RNF217: variants seen among roughly 807,000 people sequenced by gnomAD.
RNF217 encodes the protein ring finger protein 217, also known as E3 ubiquitin-protein ligase RNF217.
RNF217 carries 31 observed loss-of-function variants against 57.8 expected under a neutral mutation model. That is an observed-to-expected ratio of 0.54 (90% CI 0.40 to 0.72). The LOEUF (loss-of-function observed/expected upper bound fraction) is 0.72, where lower values mean the gene tolerates loss of function less well. Among genes scored for constraint, RNF217 ranks in the 30% least tolerant of loss-of-function variants. RNF217 has a pLI of 0.00. For synonymous variants in RNF217, 313 were observed against 294.0 expected (o/e 1.06, Z -0.66); for missense variants, 696 against 708.3 (o/e 0.98, Z 0.20).
intron 1 of RNF217, among the ~76,000 whole-genome samples, chr6:125,038,856 T>C (rs561811306): frequency 1.3e-5 from 2 of 152,146 alleles, no homozygotes; most frequent in Non-Finnish European, 2.9e-5. Flanking sequence ...AGTTCTGTGA[T>C]ACATATGCAG....
At chr6:125,040,694 A>C (rs929950329) in intron 1 of RNF217, among the ~76,000 whole-genome samples, 1 of 152,196 alleles carries the variant, frequency 6.6e-6, no homozygotes, top group African/African-American at 2.4e-5. Flanking sequence ...TCATCAATAA[A>C]ATACTGGCAA....
intron 3 of RNF217, among the ~76,000 whole-genome samples, chr6:125,066,995 A>AG (rs11389498): frequency 0.66 from 100,775 of 151,750 alleles, 35,489 homozygotes; most frequent in African/African-American, 0.89. Flanking sequence ...GGAATGTTGC[A>AG]GGAGTATTAT....
At chr6:125,019,741 G>T (rs1322386219) in intron 1 of RNF217, among the ~76,000 whole-genome samples, 1 of 150,842 alleles carries the variant, frequency 6.6e-6, no homozygotes, top group African/African-American at 2.4e-5. Context: ...ACTTACTGGT[G>T]CTAGGCCTGC....
intron 2 of RNF217, among the ~76,000 whole-genome samples, chr6:125,054,426 G>A (rs1288849574): frequency 6.6e-6 from 1 of 152,164 alleles, no homozygotes; most frequent in Non-Finnish European, 1.5e-5. Context: ...GGTAGTGTGA[G>A]AGCCCTTCTG....
rs1223891887 is a variant in RNF217 at position 125,089,772 on chromosome 6, C to G, written c.*6835C>G. The G allele has an allele frequency of 6.6e-6, 1 of 152,150 alleles. No homozygotes were observed. Among genetic ancestry groups the G allele is most frequent in the Non-Finnish European group, 1.5e-5 (1 of 68,016 alleles). The allele number at this position is 152,150 out of a possible 1,614,324, so 9.4% of individuals were successfully genotyped here. On this transcript the variant is annotated 3_prime_UTR_variant, in exon 6 of 6. Coordinates refer to ENST00000521654, the MANE Select transcript of RNF217 (RefSeq NM_001286398.3). ...TCTCTGCGAATCTGTGATGTGTTCACTTCGCCATGCCCCAGCTTGGGAAAT... is the reference window on the plus strand; with the variant it reads ...TCTCTGCGAATCTGTGATGTGTTCAGTTCGCCATGCCCCAGCTTGGGAAAT...
In RNF217 at chr6:125,084,808, T is replaced by G. The variant is rs1788723224; in HGVS notation, c.*1871T>G. The G allele has an allele frequency of 1.3e-5, 2 of 151,916 alleles. No homozygotes were observed. Among genetic ancestry groups the G allele is most frequent in the South Asian group, 4.1e-4 (2 of 4,834 alleles). 9.4% of individuals were successfully genotyped at this position (151,916 alleles called of 1,614,324 possible). A position where few individuals can be genotyped will look rare whatever the true frequency, so the allele number is the denominator to read the frequency against. On this transcript the variant is annotated 3_prime_UTR_variant, in exon 6 of 6. Transcript: ENST00000521654. The stretch of plus-strand genomic sequence containing the variant: ...ATAGTGATGCTCTGTTTTCACAAAT[T>G]TATCTTTTCATTCACCCATCCATCC...
At chr6:125,076,156 A>G (rs72971326) in intron 3 of RNF217, among the ~76,000 whole-genome samples, 4 of 152,288 alleles carry the variant, frequency 2.6e-5, no homozygotes, top group Non-Finnish European at 4.4e-5. Context: ...GGTATTGCAA[A>G]TACATTTATA....
chr6:125,003,490 A>C (rs1785061095), intron 1 of RNF217, among the ~76,000 whole-genome samples: 1 of 152,212 alleles, frequency 6.6e-6, no homozygotes, highest in Non-Finnish European at 1.5e-5. Flanking sequence ...CATCATTATC[A>C]TCATCGTCAT....
chr6:125,004,479 A>G (rs758559087), intron 1 of RNF217, among the ~76,000 whole-genome samples: 1 of 152,234 alleles, frequency 6.6e-6, no homozygotes, highest in Non-Finnish European at 1.5e-5. Flanking sequence ...AGAACAGTGA[A>G]GATCCTAGCC....
At chr6:124,996,310 A>AT (rs1562459161) in intron 1 of RNF217, among the ~76,000 whole-genome samples, 1 of 151,972 alleles carries the variant, frequency 6.6e-6, no homozygotes, top group South Asian at 2.1e-4. Context: ...AATTTTGAAG[A>AT]TTTTTTTAAT....
intron 1 of RNF217, among the ~76,000 whole-genome samples, chr6:125,026,681 C>G (rs781085526): frequency 6.6e-6 from 1 of 152,092 alleles, no homozygotes; most frequent in Non-Finnish European, 1.5e-5. Context: ...AGGTGCTATA[C>G]AAGTCAGCTT....
At chr6:124,973,901 C>T (rs192813911) in intron 1 of RNF217, among the ~76,000 whole-genome samples, 280 of 152,302 alleles carry the variant, frequency 1.8e-3, no homozygotes, top group African/African-American at 6.2e-3. Context: ...AGTTCACTTT[C>T]GGGGTTTCTC....
At chr6:125,070,631 G>T (rs1243093881) in intron 3 of RNF217, among the ~76,000 whole-genome samples, 1 of 152,116 alleles carries the variant, frequency 6.6e-6, no homozygotes, top group Non-Finnish European at 1.5e-5. Flanking sequence ...TTTGTTGACT[G>T]TTGGTATCTC....
intron 2 of RNF217, among the ~76,000 whole-genome samples, chr6:125,050,489 G>T (rs1195899484): frequency 6.6e-6 from 1 of 151,838 alleles, no homozygotes; most frequent in Non-Finnish European, 1.5e-5. Flanking sequence ...CCTCTGAGTA[G>T]AAATTACATT....
intron 5 of RNF217, chr6:125,082,628 G>T: frequency 6.4e-7 from 1 of 1,570,472 alleles, no homozygotes; most frequent in South Asian, 1.2e-5. Context: ...CCAAAGTTTT[G>T]ATATTTGGAT....
intron 2 of RNF217, among the ~76,000 whole-genome samples, chr6:125,050,388 T>C (rs1336861176): frequency 6.6e-6 from 1 of 151,850 alleles, no homozygotes; most frequent in African/African-American, 2.4e-5. Context: ...TCACCCCAGG[T>C]GAAAGAAAAA....
chr6:125,060,124 A>G (rs1206215249), intron 3 of RNF217, among the ~76,000 whole-genome samples: 1 of 152,154 alleles, frequency 6.6e-6, no homozygotes, highest in Non-Finnish European at 1.5e-5. Context: ...ATGAGGAGAT[A>G]TTACTGAGTG....
In RNF217 at chr6:124,974,530, G is replaced by A. The variant is rs188042718; in HGVS notation, c.882+11104G>A. Among the ~76,000 whole-genome samples, 619 of 152,150 alleles carry A rather than the reference G, an allele frequency of 4.1e-3. 4 individuals are homozygous for A. Among genetic ancestry groups the A allele is most frequent in the African/African-American group, 0.014 (566 of 41,520 alleles). On this transcript the variant is annotated intron_variant, in intron 1 of 5. Coordinates refer to ENST00000521654, the MANE Select transcript of RNF217 (RefSeq NM_001286398.3). Reference sequence around the variant, plus strand: ...AATTGAAATACGTCAAGGTGTCAGGGTCAGCTTCCAATAATTCTGATTAAC... The same window carrying A: ...AATTGAAATACGTCAAGGTGTCAGGATCAGCTTCCAATAATTCTGATTAAC...
intron 1 of RNF217, among the ~76,000 whole-genome samples, chr6:125,033,998 G>A (rs1786485949): frequency 6.6e-6 from 1 of 151,900 alleles, no homozygotes; most frequent in African/African-American, 2.4e-5. Context: ...GTCTTCTTTT[G>A]AGAAGTGTCT....
Sources: allele counts gnomAD v4.1 joint callset (sites outside exome capture counted in the v4.1 genomes callset), GRCh38; gene constraint gnomAD v4.1.1; transcripts MANE v1.5; gene names NCBI Gene and HGNC (gene_info 2026-07-23, HGNC 2026-07-21).